The following FAT3 variants were observed in gnomAD, a reference collection of about 807,000 sequenced individuals.
The protein encoded by FAT3 is FAT atypical cadherin 3, also known as protocadherin Fat 3.
Under a neutral mutation model 310.2 loss-of-function variants are expected in FAT3, and 95 were observed. The observed-to-expected ratio is 0.31, with a 90% confidence interval of 0.26 to 0.36. The LOEUF (loss-of-function observed/expected upper bound fraction) is 0.36, where lower values mean the gene tolerates loss of function less well. FAT3 is among the 10% of genes least tolerant of loss of function. The pLI is 1.00. For missense variants in FAT3, 5,408 were observed against 5,715.6 expected, an observed-to-expected ratio of 0.95 and a Z score of 1.74; for synonymous variants, 2,314 against 2,192.9, an observed-to-expected ratio of 1.06 and a Z score of -1.54.
intron 3 of FAT3, among the ~76,000 whole-genome samples, chr11:92,648,916 T>C (rs1942266268): frequency 6.6e-6 from 1 of 152,192 alleles, no homozygotes; most frequent in Admixed American, 6.5e-5. Flanking sequence ...TCTGGATTAC[T>C]TCCTCCAGAA....
chr11:92,311,200 T>C (rs1013779667), intron 1 of FAT3, among the ~76,000 whole-genome samples: 6 of 152,144 alleles, frequency 3.9e-5, no homozygotes, highest in Non-Finnish European at 1.5e-5. Context: ...AAGAATCATT[T>C]CAAAAACAGA....
At chr11:92,230,037 G>A (rs554993677) in intron 1 of FAT3, among the ~76,000 whole-genome samples, 4 of 152,200 alleles carry the variant, frequency 2.6e-5, no homozygotes, top group East Asian at 3.9e-4. Flanking sequence ...GTTGCCTACC[G>A]TGGGCGGAAA....
chr11:92,802,332 C>T (rs1947384570), intron 10 of FAT3, among the ~76,000 whole-genome samples: 1 of 152,148 alleles, frequency 6.6e-6, no homozygotes, highest in Non-Finnish European at 1.5e-5. Flanking sequence ...GCACACTTCC[C>T]CTGGCCATGG....
intron 2 of FAT3, among the ~76,000 whole-genome samples, chr11:92,450,258 C>T (rs542570328): frequency 5.9e-5 from 9 of 152,294 alleles, no homozygotes; most frequent in African/African-American, 2.2e-4. Context: ...TTAAAATTAA[C>T]AATTTTGCAT....
At chr11:92,444,110 GTATGAATAAAA>G (rs1951151173) in intron 2 of FAT3, among the ~76,000 whole-genome samples, 3 of 152,196 alleles carry the variant, frequency 2.0e-5, no homozygotes, top group Admixed American at 2.0e-4. Context: ...ATCTCTAAAT[GTATGAATAAAA>G]TATTGTGAAC....
At chr11:92,834,536 C>A (rs986073112) in intron 14 of FAT3, among the ~76,000 whole-genome samples, 1 of 152,184 alleles carries the variant, frequency 6.6e-6, no homozygotes, top group African/African-American at 2.4e-5. Flanking sequence ...TCAGAAGACA[C>A]CTATCAGGGA....
At chr11:92,384,421 A>G (rs1591205091) in intron 2 of FAT3, among the ~76,000 whole-genome samples, 2 of 152,328 alleles carry the variant, frequency 1.3e-5, no homozygotes, top group East Asian at 1.9e-4. Context: ...TTCTTTTTAG[A>G]AAAAGGGAAG....
intron 18 of FAT3, among the ~76,000 whole-genome samples, chr11:92,841,829 G>A (rs1948557938): frequency 6.6e-6 from 1 of 152,116 alleles, no homozygotes. Context: ...CTGCCTCACT[G>A]TATTCTGCAC....
intron 3 of FAT3, among the ~76,000 whole-genome samples, chr11:92,609,212 T>C (rs1357645223): frequency 1.3e-5 from 2 of 152,222 alleles, no homozygotes; most frequent in Non-Finnish European, 2.9e-5. Flanking sequence ...TTGGACACTT[T>C]TGCTCCATTG....
At chr11:92,253,075 T>C (rs1236096384) in intron 1 of FAT3, among the ~76,000 whole-genome samples, 1 of 152,046 alleles carries the variant, frequency 6.6e-6, no homozygotes, top group Non-Finnish European at 1.5e-5. Flanking sequence ...CCCCTTCCTT[T>C]TACTGCTGCC....
intron 2 of FAT3, among the ~76,000 whole-genome samples, chr11:92,502,675 C>T (rs1394956132): frequency 6.6e-6 from 1 of 151,976 alleles, no homozygotes; most frequent in African/African-American, 2.4e-5. Context: ...AAATATCTTC[C>T]TAACAATTGC....
At chr11:92,471,471 T>G (rs1052845423) in intron 2 of FAT3, among the ~76,000 whole-genome samples, 2 of 152,136 alleles carry the variant, frequency 1.3e-5, no homozygotes, top group Non-Finnish European at 2.9e-5. Flanking sequence ...CTTCATGTAA[T>G]CAGGGAGACA....
chr11:92,865,653 C>T (rs1330413506), intron 21 of FAT3, among the ~76,000 whole-genome samples: 4 of 152,234 alleles, frequency 2.6e-5, no homozygotes, highest in Non-Finnish European at 5.9e-5. Flanking sequence ...GTGCAGCCCT[C>T]ATTCCCTGGA....
At chr11:92,251,771 T>C (rs1432408377) in intron 1 of FAT3, among the ~76,000 whole-genome samples, 1 of 152,138 alleles carries the variant, frequency 6.6e-6, no homozygotes, top group African/African-American at 2.4e-5. Flanking sequence ...CAGGGGTATA[T>C]GATGAACAAG....
At chr11:92,826,173 A>G (rs577807746) in intron 13 of FAT3, among the ~76,000 whole-genome samples, 3 of 152,298 alleles carry the variant, frequency 2.0e-5, no homozygotes, top group South Asian at 4.1e-4. Context: ...GAAACCTTCC[A>G]CTTCTCAAAA....
intron 1 of FAT3, among the ~76,000 whole-genome samples, chr11:92,245,041 C>T (rs1864840315): frequency 6.6e-6 from 1 of 152,060 alleles, no homozygotes; most frequent in African/African-American, 2.4e-5. Context: ...TACATGCACA[C>T]ATGTGTTATT....
intron 11 of FAT3, among the ~76,000 whole-genome samples, chr11:92,805,595 A>G (rs925142718): frequency 6.6e-6 from 1 of 151,940 alleles, no homozygotes; most frequent in Non-Finnish European, 1.5e-5. Context: ...AAAGAAACCA[A>G]TGTCTTAAAT....
chr11:92,319,332 A>G (rs1480677570), intron 1 of FAT3, among the ~76,000 whole-genome samples: 2 of 151,134 alleles, frequency 1.3e-5, no homozygotes, highest in South Asian at 4.1e-4. Context: ...TATGTGTTCA[A>G]CACTGAATGA....
chr11:92,238,458 A>G (rs1218316734), intron 1 of FAT3, among the ~76,000 whole-genome samples: 1 of 152,046 alleles, frequency 6.6e-6, no homozygotes, highest in Non-Finnish European at 1.5e-5. Flanking sequence ...AACTGAGGGT[A>G]TCTTGAAATT....
Sources: gnomAD v4.1 joint callset for allele counts (sites outside exome capture counted in the v4.1 genomes callset) on GRCh38, gnomAD v4.1.1 for gene constraint, MANE v1.5 for transcripts, NCBI Gene and HGNC (gene_info 2026-07-23, HGNC 2026-07-21) for gene names.